PROM1: variants seen among roughly 807,000 people sequenced by gnomAD.
The protein encoded by PROM1 is prominin 1.
A neutral mutation model predicts 116.9 loss-of-function variants in PROM1; 105 were observed. The ratio of observed to expected loss-of-function variants is 0.90; its 90% CI spans 0.77 to 1.06. The LOEUF (loss-of-function observed/expected upper bound fraction) is 1.06, where lower values mean the gene tolerates loss of function less well. Ranked by LOEUF, PROM1 falls within the 50% of genes least tolerant of loss-of-function variation. The pLI, the probability that PROM1 is intolerant of heterozygous loss-of-function variation, is 0.00. For missense variants in PROM1, 1,122 were observed against 1,045.2 expected (o/e 1.07, Z -1.01); for synonymous variants, 393 against 387.0 (o/e 1.02, Z -0.18).
intron 2 of PROM1, among the ~76,000 whole-genome samples, chr4:16,058,373 A>G (rs1303765536): frequency 6.6e-6 from 1 of 152,242 alleles, no homozygotes; most frequent in Non-Finnish European, 1.5e-5. Flanking sequence ...GAGGGGAATC[A>G]AAACTCAAAT....
chr4:16,018,016 A>AT (rs112385573), intron 9 of PROM1, among the ~76,000 whole-genome samples: 135,771 of 152,180 alleles, frequency 0.89, 61,026 homozygotes, highest in Middle Eastern at 0.95. Flanking sequence ...ATATTTAAAA[A>AT]TTTTTTAATT....
chr4:16,018,546 G>A lies in PROM1; in HGVS notation c.785-6C>T. ...CTCTTTGGTCTCCTTGATCGCTATG[G>A]AAACACAGCCCGCTTCAGAACACAC... On this transcript the variant is annotated splice_polypyrimidine_tract_variant and splice_region_variant and intron_variant, in intron 8 of 27. Transcript: ENST00000447510. 1 of 1,599,134 alleles carries A rather than the reference G, an allele frequency of 6.3e-7. No individual in the cohort carries two copies. Among genetic ancestry groups the A allele is most frequent in the Non-Finnish European group, 8.5e-7 (1 of 1,173,030 alleles).
chr4:16,069,031 T>C (rs1742205803), intron 2 of PROM1, among the ~76,000 whole-genome samples: 1 of 152,154 alleles, frequency 6.6e-6, no homozygotes, highest in South Asian at 2.1e-4. Context: ...GGTTAGGAGT[T>C]CAAGACCAGC....
Position 16,060,880 on chromosome 4 carries a change from C to T in PROM1, c.220+14807G>A, listed in dbSNP as rs180680759. Reference sequence around the variant, plus strand: ...CACGAAAGCAACATATATAATTGAGCCCATTCGATGATTCGGATTTAATTT... The same window carrying T: ...CACGAAAGCAACATATATAATTGAGTCCATTCGATGATTCGGATTTAATTT... On this transcript the variant is annotated intron_variant, in intron 2 of 27. Coordinates refer to ENST00000447510, the MANE Select transcript of PROM1 (RefSeq NM_006017.3). Among the ~76,000 whole-genome samples the T allele has an allele frequency of 2.4e-3, 364 of 152,198 alleles. 1 individual carries two copies. Among genetic ancestry groups the T allele is most frequent in the African/African-American group, 7.7e-3 (318 of 41,502 alleles).
At chr4:16,025,071 C>A in intron 6 of PROM1, 121 bp downstream of exon 6, 1 of 1,223,598 alleles carries the variant, frequency 8.2e-7, no homozygotes, top group Non-Finnish European at 1.1e-6. Flanking sequence ...TAACAGATAA[C>A]ACCAGTCTAC....
At chr4:16,040,588 GAGTTAGA>G (rs1734992802) in intron 2 of PROM1, among the ~76,000 whole-genome samples, 1 of 152,200 alleles carries the variant, frequency 6.6e-6, no homozygotes, top group African/African-American at 2.4e-5. Context: ...ATCTAGCAAC[GAGTTAGA>G]AGGGAATCCA....
At chr4:16,020,610 C>T (rs923454454) in intron 8 of PROM1, among the ~76,000 whole-genome samples, 6 of 152,178 alleles carry the variant, frequency 3.9e-5, no homozygotes, top group South Asian at 2.1e-4. Context: ...TTACTCCTCA[C>T]GGCCCTTTTC....
rs747831357 is a variant in PROM1 at position 15,992,277 on chromosome 4, T to C, written c.1882A>G (p.Arg628Gly). 5 of 1,614,028 alleles carry C rather than the reference T, an allele frequency of 3.1e-6. No homozygotes were observed. Among genetic ancestry groups the C allele is most frequent in the Non-Finnish European group, 4.2e-6 (5 of 1,179,882 alleles). The change falls in exon 17 of 28, where the codon AGA (arginine) becomes GGA (glycine). Residue 628 changes from arginine to glycine, a missense_variant. Coordinates refer to ENST00000447510, the MANE Select transcript of PROM1 (RefSeq NM_006017.3). ...GCCAAGTAGCTGTCATAATTCATTC[T>C]GTCTATTCCACAAGCAGCAAAATCC... ...LQDFAACGID[R>G]MNYDSYLAQT...
chr4:16,009,735 T>C (rs1337728936), intron 11 of PROM1, among the ~76,000 whole-genome samples: 1 of 151,834 alleles, frequency 6.6e-6, no homozygotes, highest in Non-Finnish European at 1.5e-5. Flanking sequence ...AGGTCAGAAG[T>C]TCGAGACCAG....
At chr4:15,981,587 A>C (rs192250745) in intron 23 of PROM1, among the ~76,000 whole-genome samples, 398 of 152,084 alleles carry the variant, frequency 2.6e-3, no homozygotes, top group African/African-American at 8.8e-3. Flanking sequence ...AAAGAAAAAA[A>C]AAAAAGATGA....
At chr4:16,050,320 T>C (rs2149466602) in intron 2 of PROM1, among the ~76,000 whole-genome samples, 1 of 152,200 alleles carries the variant, frequency 6.6e-6, no homozygotes, top group East Asian at 1.9e-4. Flanking sequence ...GCTTCAGTTT[T>C]AGAATTCATG....
At chr4:16,009,436 T>C (rs1412252088) in intron 11 of PROM1, among the ~76,000 whole-genome samples, 5 of 152,222 alleles carry the variant, frequency 3.3e-5, no homozygotes, top group African/African-American at 9.6e-5. Flanking sequence ...CTTTTATAAA[T>C]AGTAACTCAT....
At chr4:16,083,812 C>G (rs1008385261) in intron 1 of PROM1, 166 bp downstream of exon 1, 2 of 152,164 alleles carry the variant, frequency 1.3e-5, no homozygotes, top group African/African-American at 4.8e-5. Flanking sequence ...CTCCCACTGC[C>G]GGCCGCGGAG....
intron 1 of PROM1, among the ~76,000 whole-genome samples, chr4:16,077,193 G>C (rs558316122): frequency 1.2e-4 from 19 of 152,160 alleles, no homozygotes; most frequent in African/African-American, 1.9e-4. Context: ...GGAATGTCTC[G>C]GTATAAAACC....
At chr4:16,081,816 T>A (rs914113980) in intron 1 of PROM1, among the ~76,000 whole-genome samples, 4 of 151,992 alleles carry the variant, frequency 2.6e-5, no homozygotes, top group African/African-American at 4.8e-5. Flanking sequence ...AGAAACTGTC[T>A]CGTATAAAAA....
rs1713729552 is a variant in PROM1, at chr4:15,969,050, A to G, written c.*343T>C. The G allele has an allele frequency of 1.3e-5, 2 of 152,236 alleles. No homozygotes were observed. The allele number at this position is 152,236 out of a possible 1,614,324, so 9.4% of individuals were successfully genotyped here. Reference sequence around the variant, plus strand: ...TGTTAGAATCTAGCCATCACATTTGATAGAGTTTTGATAGAAATGCATCCA... The same window carrying G: ...TGTTAGAATCTAGCCATCACATTTGGTAGAGTTTTGATAGAAATGCATCCA... On this transcript the variant is annotated 3_prime_UTR_variant, in exon 28 of 28. Transcript: ENST00000447510.
intron 2 of PROM1, among the ~76,000 whole-genome samples, chr4:16,041,962 C>T (rs1735406148): frequency 6.6e-6 from 1 of 151,940 alleles, no homozygotes; most frequent in South Asian, 2.1e-4. Context: ...GTGCACGCCA[C>T]CATGCACAGA....
chr4:16,014,894 C>T (rs1727900221), intron 10 of PROM1, among the ~76,000 whole-genome samples: 1 of 152,088 alleles, frequency 6.6e-6, no homozygotes, highest in Admixed American at 6.5e-5. Flanking sequence ...CAATGCTGTC[C>T]CTGCGTTTTT....
At position 15,980,576 on chromosome 4, in the gene PROM1, T is replaced by G. The variant is rs371838461; in HGVS notation, c.2374-39A>C. The G allele has an allele frequency of 9.5e-6, 12 of 1,257,650 alleles. No individual in the cohort carries two copies. In the African/African-American group the frequency reaches 1.9e-4, roughly 19 times the overall value. 77.9% of individuals were successfully genotyped at this position (1,257,650 alleles called of 1,614,324 possible). On this transcript the variant is annotated intron_variant, in intron 23 of 27. Coordinates refer to ENST00000447510, the MANE Select transcript of PROM1 (RefSeq NM_006017.3). ...ATCAGAAGAATTAAATGTTTGAAGA[T>G]AAGAAATGGGAAAAACAGTTGTTTG...
Sources: allele counts gnomAD v4.1 joint callset (sites outside exome capture counted in the v4.1 genomes callset), GRCh38; gene constraint gnomAD v4.1.1; transcripts MANE v1.5; gene names NCBI Gene and HGNC (gene_info 2026-07-23, HGNC 2026-07-21).